ZNF234: variants seen among roughly 807,000 people sequenced by gnomAD.
The protein encoded by ZNF234 is C2-H2 type zinc finger protein.
ZNF234 carries 4 observed loss-of-function variants against 10.3 expected under a neutral mutation model. The ratio of observed to expected loss-of-function variants is 0.39; its 90% CI spans 0.19 to 0.89. The LOEUF is 0.89. ZNF234 is among the 40% of genes least tolerant of loss of function. ZNF234 has a pLI of 0.38. For synonymous variants in ZNF234, 258 were observed against 280.1 expected, an observed-to-expected ratio of 0.92 and a Z score of 0.79; for missense variants, 711 against 836.1, an observed-to-expected ratio of 0.85 and a Z score of 1.85.
chr19:44,155,767 CTT>C, intron 5 of ZNF234, among the ~76,000 whole-genome samples: 1 of 151,328 alleles, frequency 6.6e-6, no homozygotes, highest in Non-Finnish European at 1.5e-5. Context: ...TTTTTTTTAA[CTT>C]TTAATATTTT....
At chr19:44,148,582 A>G (rs1968658483) in intron 3 of ZNF234, 189 bp from the exon 4 acceptor site, 1 of 766,324 alleles carries the variant, frequency 1.3e-6, no homozygotes, top group Admixed American at 1.8e-5. Flanking sequence ...TTACTGATGT[A>G]CTTTTACTGA....
chr19:44,155,852 C>T (rs1263301159), intron 5 of ZNF234, among the ~76,000 whole-genome samples: 1 of 152,174 alleles, frequency 6.6e-6, no homozygotes, highest in Non-Finnish European at 1.5e-5. Context: ...CCTTCTGCCC[C>T]AGCCTCCCAG....
At position 44,157,665 on chromosome 19, in the gene ZNF234, G is replaced by T; in HGVS notation, c.1649G>T (p.Ser550Ile). 6.2e-7 allele frequency: 1 copy of T among 1,613,968 alleles called. No individual in the cohort carries two copies. Among genetic ancestry groups the T allele is most frequent in the Non-Finnish European group, 8.5e-7 (1 of 1,179,992 alleles). Reference sequence around the variant, plus strand: ...TGTGAAGAGTGTGGGAAGAGCTTCAGTCGGAGTGCACACCTTCAAGCCCAT... The same window carrying T: ...TGTGAAGAGTGTGGGAAGAGCTTCATTCGGAGTGCACACCTTCAAGCCCAT... The part of the protein sequence containing the change: ...FKCEECGKSF[S>I]RSAHLQAHQK... The change falls in exon 6 of 6, where the codon AGT becomes ATT. Residue 550 changes from serine (S) to isoleucine (I), a missense_variant. Coordinates refer to ENST00000426739, the MANE Select transcript of ZNF234 (RefSeq NM_006630.3).
At chr19:44,151,360 G>A (rs987189559) in intron 5 of ZNF234, among the ~76,000 whole-genome samples, 3 of 152,084 alleles carry the variant, frequency 2.0e-5, no homozygotes, top group East Asian at 1.9e-4. Flanking sequence ...CTGTAACCAC[G>A]TCCGGCGGAT....
At position 44,156,531 on chromosome 19, in the gene ZNF234, G is replaced by T. The variant is rs1168557998; in HGVS notation, c.515G>T (p.Gly172Val). 6.2e-7 allele frequency: 1 copy of T among 1,614,190 alleles called. No homozygotes were observed. Among genetic ancestry groups the T allele is most frequent in the Admixed American group, 1.7e-5 (1 of 60,026 alleles). The change falls in exon 6 of 6, where the codon GGA (glycine) becomes GTA (valine). Residue 172 changes from glycine to valine, a missense_variant. By Grantham distance (109) the Gly-to-Val change is moderately radical. Coordinates refer to ENST00000426739, the MANE Select transcript of ZNF234 (RefSeq NM_006630.3). ...NFDLHQQLHSGEKSHTCDECG... is the reference protein window; with the variant it reads ...NFDLHQQLHSVEKSHTCDECG... ...GATCTTCATCAACAGTTACACTCAG[G>T]AGAGAAGTCTCATACATGTGATGAG...
chr19:44,147,028 C>A (rs918560866), intron 3 of ZNF234, among the ~76,000 whole-genome samples: 3 of 151,696 alleles, frequency 2.0e-5, no homozygotes, highest in Non-Finnish European at 4.4e-5. Flanking sequence ...ATTGGCCAGG[C>A]TGGTCTTGAA....
intron 2 of ZNF234, 83 bp from the exon 3 acceptor site, chr19:44,144,474 C>T (rs1193109864): frequency 1.2e-5 from 6 of 495,766 alleles, no homozygotes; most frequent in Non-Finnish European, 1.0e-5. Flanking sequence ...CGTGACCATT[C>T]GTGTGCTAAT....
Position 44,156,958 on chromosome 19 carries a change from A to T in ZNF234, c.942A>T (p.Lys314Asn). ...ATTGCATGGTCCACACAGGAGAGAA[A>T]CCATACAAATGTGAGGACTGTGGTA... ...NNHCMVHTGE[K>N]PYKCEDCGKC... The change falls in exon 6 of 6, where the codon AAA becomes AAT. Residue 314 changes from lysine (K) to asparagine (N), a missense_variant. Transcript: ENST00000426739. 6.2e-7 allele frequency: 1 copy of T among 1,614,142 alleles called. No individual in the cohort carries two copies. Among genetic ancestry groups the T allele is most frequent in the South Asian group, 1.1e-5 (1 of 91,084 alleles).
At chr19:44,143,483 C>T (rs1005825484) in intron 2 of ZNF234, among the ~76,000 whole-genome samples, 1 of 152,114 alleles carries the variant, frequency 6.6e-6, no homozygotes, top group African/African-American at 2.4e-5. Context: ...TTGGCGGGCA[C>T]CTGTAGTCCC....
intron 5 of ZNF234, among the ~76,000 whole-genome samples, chr19:44,151,127 C>T (rs749530618): frequency 3.3e-5 from 5 of 152,076 alleles, no homozygotes; most frequent in Non-Finnish European, 5.9e-5. Flanking sequence ...TGCTGTTCAT[C>T]CTCCTCTGCG....
At position 44,156,358 on chromosome 19, in the gene ZNF234, T is replaced by C; in HGVS notation, c.342T>C (p.Tyr114=). 2 of 1,613,164 alleles carry C rather than the reference T, an allele frequency of 1.2e-6. No homozygotes were observed. The highest frequency in any genetic ancestry group is 1.3e-5 in the African/African-American group (1 of 74,986). The change falls in exon 6 of 6, where the codon TAT becomes TAC. Residue 114 remains tyrosine (Y), a synonymous_variant. Coordinates refer to ENST00000426739, the MANE Select transcript of ZNF234 (RefSeq NM_006630.3). ...WKQIASDLIK[Y]EDSMISISRF... ...AGATTGCAAGTGATTTAATCAAGTA[T>C]GAAGACTCTATGATAAGTATTTCTC...
rs1305365250 is a variant in ZNF234 at position 44,158,072 on chromosome 19, A to G, written c.2056A>G (p.Ser686Gly). ...AGTFYENDEN[S>G]KNIRELSEGG... ...TACATTTTATGAAAATGATGAGAAT[A>G]GTAAGAACATCAGAGAGTTGTCAGA... Residue 686 changes from serine (S) to glycine (G), a missense_variant, in exon 6 of 6, where the codon AGT (serine) becomes GGT (glycine). Physicochemically the swap from Ser to Gly is moderately conservative, Grantham distance 56. Coordinates refer to ENST00000426739, the MANE Select transcript of ZNF234 (RefSeq NM_006630.3). 10 of 1,612,980 alleles carry G rather than the reference A, an allele frequency of 6.2e-6. No individual in the cohort carries two copies. The highest frequency in any genetic ancestry group is 7.6e-6 in the Non-Finnish European group (9 of 1,179,588).
Position 44,158,129 on chromosome 19 carries a change from A to AAAG in ZNF234, c.*12_*13insGAA. 1 of 1,584,710 alleles carries AAAG rather than the reference A, an allele frequency of 6.3e-7. No individual in the cohort carries two copies. On this transcript the variant is annotated 3_prime_UTR_variant, in exon 6 of 6. Coordinates refer to ENST00000426739, the MANE Select transcript of ZNF234 (RefSeq NM_006630.3). ...AAGTTCTACAAGGTGATTAAAAAAA[A>AAAG]AAAAACAGAACTCATGTACAACCTG...
chr19:44,153,483 T>G (rs1487208822), intron 5 of ZNF234, among the ~76,000 whole-genome samples: 2 of 152,132 alleles, frequency 1.3e-5, no homozygotes, highest in African/African-American at 4.8e-5. Context: ...TCCTGGTTCT[T>G]TTATTCTGAA....
chr19:44,156,867 G>A lies in ZNF234; in HGVS notation c.851G>A (p.Gly284Glu). The change falls in exon 6 of 6, where the codon GGG becomes GAG. Residue 284 changes from glycine to glutamate, a missense_variant. Coordinates refer to ENST00000426739, the MANE Select transcript of ZNF234 (RefSeq NM_006630.3). Reference protein sequence around the residue: ...HLQEHQRIHTGEKPFKCDTCG... With the variant: ...HLQEHQRIHTEEKPFKCDTCG... ...CAGGAACATCAGAGAATTCATACTG[G>A]GGAGAAACCATTCAAATGTGATACA... 1 of 1,613,448 alleles carries A rather than the reference G, an allele frequency of 6.2e-7. No individual in the cohort carries two copies. The highest frequency in any genetic ancestry group is 1.3e-5 in the African/African-American group (1 of 74,998).
Position 44,157,000 on chromosome 19 carries a change from C to T in ZNF234, c.984C>T (p.Ser328=). The T allele has an allele frequency of 6.2e-7, 1 of 1,613,690 alleles. No homozygotes were observed. Among genetic ancestry groups the T allele is most frequent in the South Asian group, 1.1e-5 (1 of 91,054 alleles). Residue 328 remains serine (S), a synonymous_variant, in exon 6 of 6, where the codon AGC becomes AGT. Transcript: ENST00000426739. ...CEDCGKCFTC[S]SNLRIHQRVH... The stretch of plus-strand genomic sequence containing the variant: ...ACTGTGGTAAGTGTTTCACTTGTAG[C>T]TCAAACCTTCGTATCCATCAAAGGG...
Position 44,157,586 on chromosome 19 carries a change from GCC to G in ZNF234, c.1571_1572del (p.Ala524ValfsTer17). On this transcript the variant is annotated frameshift_variant, in exon 6 of 6. Coordinates refer to ENST00000426739, the MANE Select transcript of ZNF234 (RefSeq NM_006630.3). LOFTEE classifies it low-confidence loss of function (END_TRUNC). Reference protein sequence around the residue: ...CEECGKVFSQASHLLTHQRVH... With the variant: ...CEECGKVFSQXSHLLTHQRVH... ...GGAGTGTGGGAAGGTCTTCAGTCAG[GCC>G]TCGCATCTTCTAACCCATCAGAGAG... 1 of 1,613,564 alleles carries G rather than the reference GCC, an allele frequency of 6.2e-7. No homozygotes were observed. The highest frequency in any genetic ancestry group is 8.5e-7 in the Non-Finnish European group (1 of 1,179,856).
chr19:44,142,970 T>C (rs1260553056), intron 2 of ZNF234, among the ~76,000 whole-genome samples: 1 of 152,234 alleles, frequency 6.6e-6, no homozygotes, highest in African/African-American at 2.4e-5. Flanking sequence ...TCAATGTTTT[T>C]CTATTTATCT....
Position 44,158,062 on chromosome 19 carries a change from T to A in ZNF234, c.2046T>A (p.Asn682Lys). The A allele has an allele frequency of 6.2e-7, 1 of 1,611,846 alleles. No individual in the cohort carries two copies. Among genetic ancestry groups the A allele is most frequent in the Non-Finnish European group, 8.5e-7 (1 of 1,179,580 alleles). ...ATGCTGCTGGTACATTTTATGAAAATGATGAGAATAGTAAGAACATCAGAG... is the reference window on the plus strand; with the variant it reads ...ATGCTGCTGGTACATTTTATGAAAAAGATGAGAATAGTAAGAACATCAGAG... ...KIHAAGTFYE[N>K]DENSKNIREL... The change falls in exon 6 of 6, where the codon AAT becomes AAA. Residue 682 changes from asparagine to lysine, a missense_variant. Physicochemically the swap from Asn to Lys is moderately conservative, Grantham distance 94 (BLOSUM62 0). Transcript: ENST00000426739.
Sources: allele counts gnomAD v4.1 joint callset (sites outside exome capture counted in the v4.1 genomes callset), GRCh38; gene constraint gnomAD v4.1.1; transcripts MANE v1.5; gene names NCBI Gene and HGNC (gene_info 2026-07-23, HGNC 2026-07-21).